Variants in C19orf47 observed in about 807,000 individuals in gnomAD.
C19orf47 encodes uncharacterized protein C19orf47.
In C19orf47, 18 loss-of-function variants were observed where a neutral mutation model predicts 32.3. The observed-to-expected ratio is 0.56, with a 90% CI of 0.39 to 0.83. The LOEUF is 0.83. Ranked by LOEUF, C19orf47 falls within the 40% of genes least tolerant of loss-of-function variation. The probability of loss-of-function intolerance (pLI) is 0.00; values close to 1 mark genes in which losing one functional copy is unlikely to be tolerated. For missense variants in C19orf47, 484 were observed against 531.6 expected (o/e 0.91, Z 0.88); for synonymous variants, 202 against 211.1 (o/e 0.96, Z 0.37).
chr19:40,341,900 AAG>A lies in C19orf47; in HGVS notation c.-33-12_-33-11del. The A allele has an allele frequency of 3.9e-6, 6 of 1,536,126 alleles. No homozygotes were observed. Among genetic ancestry groups the A allele is most frequent in the Non-Finnish European group, 4.4e-6 (5 of 1,146,858 alleles). ...CACTGCTCCCTGGAGCCTGAAAGAG[AAG>A]AGAGGAGAGAGCCCATGAGCTGCTG... On this transcript the variant is annotated splice_polypyrimidine_tract_variant and intron_variant, in intron 1 of 8. Transcript: ENST00000683109.
chr19:40,334,637 A>G (rs2145578040), intron 4 of C19orf47, among the ~76,000 whole-genome samples: 1 of 152,108 alleles, frequency 6.6e-6, no homozygotes, highest in Non-Finnish European at 1.5e-5. Flanking sequence ...AATCCCAATC[A>G]CTCGGGTGGC....
the C19orf47 span, among the ~76,000 whole-genome samples, chr19:40,314,349 C>T: frequency 6.6e-6 from 1 of 152,102 alleles, no homozygotes; most frequent in East Asian, 1.9e-4. Flanking sequence ...ATCACTTGAA[C>T]TCAGGAGGCG....
chr19:40,328,128 CCT>C (rs1217855748), intron 6 of C19orf47, among the ~76,000 whole-genome samples: 3 of 151,884 alleles, frequency 2.0e-5, no homozygotes, highest in East Asian at 3.9e-4. Flanking sequence ...AGCGTGAACC[CCT>C]GAGTGAGAAG....
chr19:40,296,952 AT>A, the C19orf47 span, among the ~76,000 whole-genome samples: 2 of 152,016 alleles, frequency 1.3e-5, no homozygotes, highest in African/African-American at 4.8e-5. Context: ...TGTAGAGGGC[AT>A]CTCCATTATA....
chr19:40,309,564 G>A, the C19orf47 span, among the ~76,000 whole-genome samples: 3 of 152,008 alleles, frequency 2.0e-5, no homozygotes, highest in Non-Finnish European at 4.4e-5. Flanking sequence ...GTCAAATTGA[G>A]GCAGGGGCTC....
chr19:40,310,995 T>G, the C19orf47 span, among the ~76,000 whole-genome samples: 2 of 152,116 alleles, frequency 1.3e-5, no homozygotes, highest in African/African-American at 2.4e-5. Context: ...CCCAGCACTT[T>G]GGAAGGCCGA....
rs2077883381 is a variant in C19orf47, at chr19:40,328,544, G to A, written c.308C>T (p.Ser103Phe). The A allele has an allele frequency of 6.2e-7, 1 of 1,605,660 alleles. No individual in the cohort carries two copies. Among genetic ancestry groups the A allele is most frequent in the Admixed American group, 1.7e-5 (1 of 57,712 alleles). Residue 103 changes from serine to phenylalanine, a missense_variant, in exon 6 of 9, where the codon TCC becomes TTC. By Grantham distance (155) the Ser-to-Phe change is radical (BLOSUM62 -2). Coordinates refer to ENST00000683109, the MANE Select transcript of C19orf47 (RefSeq NM_001256441.2). The stretch of plus-strand genomic sequence containing the variant: ...GTTCAGGCTGTTGGTGATCATTCGG[G>A]AGGCAGCTGTGGGGAGAAAAGGAGA... Reference protein sequence around the residue: ...GEIRRGTSAASRMITNSLNHD... With the variant: ...GEIRRGTSAAFRMITNSLNHD...
chr19:40,334,974 G>C (rs1288911281), intron 4 of C19orf47: 4 of 131,478 alleles, frequency 3.0e-5, no homozygotes, highest in African/African-American at 1.1e-4. Context: ...GGGAGGGAGG[G>C]AGGAAGGAAG....
Position 40,321,604 on chromosome 19 carries a change from A to G in C19orf47, c.*278T>C. On this transcript the variant is annotated 3_prime_UTR_variant, in exon 9 of 9. Transcript: ENST00000683109. ...GAAGAAGCCCCCTGGCACTTGGGAG[A>G]GGTAGAAAAGTGGGTTCTGCCAAGG... The G allele has an allele frequency of 8.2e-7, 1 of 1,220,088 alleles. No individual in the cohort carries two copies. Among genetic ancestry groups the G allele is most frequent in the Non-Finnish European group, 1.0e-6 (1 of 976,528 alleles). 75.6% of individuals were successfully genotyped at this position (1,220,088 alleles called of 1,614,324 possible). A position where few individuals can be genotyped will look rare whatever the true frequency, so the allele number is the denominator to read the frequency against.
At chr19:40,331,222 C>T (rs1415027176) in intron 5 of C19orf47, among the ~76,000 whole-genome samples, 1 of 152,226 alleles carries the variant, frequency 6.6e-6, no homozygotes, top group Non-Finnish European at 1.5e-5. Flanking sequence ...GTGCTTTGCA[C>T]ACTGGGGCCA....
chr19:40,326,525 C>T (rs931550567), intron 6 of C19orf47, 39 bp from the exon 7 acceptor site: 4 of 1,599,084 alleles, frequency 2.5e-6, no homozygotes, highest in African/African-American at 1.3e-5. Context: ...CTCTCTGAGA[C>T]AGAACGTTCT....
upstream of C19orf47, chr19:40,348,410 C>T (rs1199846909): frequency 6.7e-7 from 1 of 1,487,978 alleles, no homozygotes. Context: ...CCGGCCCGGG[C>T]TGCCCGCCCC....
chr19:40,343,268 C>T (rs756791377), intron 1 of C19orf47, among the ~76,000 whole-genome samples: 4 of 152,178 alleles, frequency 2.6e-5, no homozygotes, highest in Non-Finnish European at 5.9e-5. Flanking sequence ...CCAGAACCTT[C>T]CTGTTTACCA....
At chr19:40,346,114 C>T (rs1294441287) in intron 1 of C19orf47, among the ~76,000 whole-genome samples, 1 of 150,236 alleles carries the variant, frequency 6.7e-6, no homozygotes, top group Non-Finnish European at 1.5e-5. Flanking sequence ...CGAAACTGTA[C>T]CACTACACTC....
intron 1 of C19orf47, among the ~76,000 whole-genome samples, chr19:40,342,806 C>G (rs893161294): frequency 2.0e-5 from 3 of 152,188 alleles, no homozygotes; most frequent in Non-Finnish European, 4.4e-5. Context: ...GAGCCAGTGG[C>G]TCATCTGGCA....
chr19:40,304,538 T>A, the C19orf47 span, among the ~76,000 whole-genome samples: 999 of 152,212 alleles, frequency 6.6e-3, 4 homozygotes, highest in Middle Eastern at 0.02. Flanking sequence ...ACAAGACAAC[T>A]TTTATTCACC....
At chr19:40,306,989 C>T in the C19orf47 span, among the ~76,000 whole-genome samples, 3 of 151,158 alleles carry the variant, frequency 2.0e-5, no homozygotes, top group Non-Finnish European at 4.4e-5. Flanking sequence ...CGGGGTTTCA[C>T]CATGTTAGCC....
Position 40,336,164 on chromosome 19 carries a change from G to A in C19orf47, c.168C>T (p.Thr56=), listed in dbSNP as rs377646078. ...GAATGGCGATGATGTCACCCACCAC[G>A]GTCACGCCCAGCTCATTCATTATCT... ...NKEIMNELGV[T]VVGDIIAILK... is the part of the protein sequence containing the mutation. The change falls in exon 4 of 9, where the codon ACC becomes ACT. Residue 56 remains threonine (T), a synonymous_variant. Transcript: ENST00000683109. 34 of 1,614,028 alleles carry A rather than the reference G, an allele frequency of 2.1e-5. No homozygotes were observed. The highest frequency in any genetic ancestry group is 1.1e-4 in the South Asian group (10 of 91,086).
At chr19:40,301,576 G>A in the C19orf47 span, among the ~76,000 whole-genome samples, 4 of 151,698 alleles carry the variant, frequency 2.6e-5, no homozygotes, top group Middle Eastern at 3.4e-3. Flanking sequence ...TCCTGACCTC[G>A]TGATCCACCT....
Sources: allele counts gnomAD v4.1 joint callset (sites outside exome capture counted in the v4.1 genomes callset), GRCh38; gene constraint gnomAD v4.1.1; transcripts MANE v1.5; gene names NCBI Gene and HGNC (gene_info 2026-07-23, HGNC 2026-07-21).